Variants in MALRD1 observed in about 807,000 individuals in gnomAD.
MALRD1 encodes the protein MAM and LDL-receptor class A domain-containing protein 1.
In MALRD1, 247 loss-of-function variants were observed where a neutral mutation model predicts 242.1. The observed-to-expected ratio is 1.02, with a 90% CI of 0.92 to 1.13. MALRD1 has a LOEUF of 1.13. Among genes scored for constraint, MALRD1 ranks in the 50% most tolerant of loss-of-function variants. The probability of loss-of-function intolerance (pLI) is 0.00; values close to 1 mark genes in which losing one functional copy is unlikely to be tolerated. For synonymous variants in MALRD1, 995 were observed against 866.6 expected, an observed-to-expected ratio of 1.15 and a Z score of -2.60; for missense variants, 2,989 against 2,533.1, an observed-to-expected ratio of 1.18 and a Z score of -3.86.
chr10:19,623,840 A>T (rs930485485), intron 36 of MALRD1, among the ~76,000 whole-genome samples: 6 of 150,406 alleles, frequency 4.0e-5, no homozygotes, highest in African/African-American at 1.5e-4. Flanking sequence ...TTCTGGAAAC[A>T]TCCTCACAGA....
chr10:19,331,068 G>A (rs961365204), intron 23 of MALRD1, among the ~76,000 whole-genome samples: 1 of 152,054 alleles, frequency 6.6e-6, no homozygotes, highest in Non-Finnish European at 1.5e-5. Flanking sequence ...TCTGAGAGCT[G>A]GCAAAGGCAG....
chr10:19,111,684 A>G (rs1001983164), intron 5 of MALRD1, among the ~76,000 whole-genome samples: 1 of 152,246 alleles, frequency 6.6e-6, no homozygotes, highest in Non-Finnish European at 1.5e-5. Context: ...GGCATTGCAA[A>G]CAATGTCATC....
At chr10:19,290,775 G>T (rs1438984137) in intron 21 of MALRD1, among the ~76,000 whole-genome samples, 1 of 152,112 alleles carries the variant, frequency 6.6e-6, no homozygotes, top group African/African-American at 2.4e-5. Flanking sequence ...ATTGAATCAA[G>T]ATACTTGGAT....
intron 32 of MALRD1, among the ~76,000 whole-genome samples, chr10:19,536,842 A>G (rs574052903): frequency 6.6e-6 from 1 of 152,204 alleles, no homozygotes; most frequent in South Asian, 2.1e-4. Flanking sequence ...TCCATTTGTC[A>G]TACAGCACTG....
chr10:19,287,842 G>A (rs757897259), intron 21 of MALRD1, among the ~76,000 whole-genome samples: 3 of 152,200 alleles, frequency 2.0e-5, no homozygotes, highest in Admixed American at 6.6e-5. Context: ...TAGTTGTTCA[G>A]CTTGTTTTTT....
At chr10:19,475,182 G>A (rs1175378761) in intron 29 of MALRD1, among the ~76,000 whole-genome samples, 7 of 152,126 alleles carry the variant, frequency 4.6e-5, no homozygotes, top group African/African-American at 1.7e-4. Flanking sequence ...TTGGGAGGCC[G>A]AGGCGGGCGG....
intron 36 of MALRD1, among the ~76,000 whole-genome samples, chr10:19,680,537 T>C (rs1345672710): frequency 6.6e-6 from 1 of 152,168 alleles, no homozygotes; most frequent in African/African-American, 2.4e-5. Context: ...TATCTTTCGA[T>C]GTGAGATGGA....
intron 34 of MALRD1, among the ~76,000 whole-genome samples, chr10:19,603,961 C>G (rs1040061941): frequency 9.2e-5 from 14 of 152,272 alleles, no homozygotes; most frequent in South Asian, 8.3e-4. Flanking sequence ...TCTCCCCATT[C>G]CCTGAGGCTG....
intron 21 of MALRD1, among the ~76,000 whole-genome samples, chr10:19,295,954 C>A (rs1024464259): frequency 6.6e-6 from 1 of 152,102 alleles, no homozygotes; most frequent in Admixed American, 6.6e-5. Flanking sequence ...ACTTTGAGGA[C>A]CACTTAGTCA....
intron 31 of MALRD1, among the ~76,000 whole-genome samples, chr10:19,521,045 A>G (rs1473635580): frequency 6.6e-6 from 1 of 152,116 alleles, no homozygotes; most frequent in Non-Finnish European, 1.5e-5. Flanking sequence ...TGTCAAAGGT[A>G]TTATCTGTGA....
chr10:19,052,919 T>A (rs1426793701), intron 1 of MALRD1, among the ~76,000 whole-genome samples: 1 of 152,136 alleles, frequency 6.6e-6, no homozygotes, highest in Non-Finnish European at 1.5e-5. Flanking sequence ...CAAGTTCCTT[T>A]TTGCACTATC....
At chr10:19,704,173 AG>A (rs1452157462) in intron 38 of MALRD1, among the ~76,000 whole-genome samples, 1 of 152,182 alleles carries the variant, frequency 6.6e-6, no homozygotes, top group African/African-American at 2.4e-5. Flanking sequence ...TCATGTGAAA[AG>A]TTGTTTGAAA....
intron 33 of MALRD1, among the ~76,000 whole-genome samples, chr10:19,581,156 A>C (rs1001081343): frequency 6.6e-6 from 1 of 152,058 alleles, no homozygotes; most frequent in African/African-American, 2.4e-5. Context: ...AGTACTTATA[A>C]TTGCAGCTAC....
intron 18 of MALRD1, among the ~76,000 whole-genome samples, chr10:19,230,856 A>G (rs1838022265): frequency 6.6e-6 from 1 of 152,212 alleles, no homozygotes; most frequent in South Asian, 2.1e-4. Flanking sequence ...GTGTTAATAT[A>G]TAGATTTTAT....
At chr10:19,363,704 G>C (rs57240896) in intron 26 of MALRD1, among the ~76,000 whole-genome samples, 13,553 of 152,176 alleles carry the variant, frequency 0.089, 785 homozygotes, top group East Asian at 0.17. Flanking sequence ...TGGGAGACAT[G>C]GGTCTTAAAG....
chr10:19,686,921 G>A (rs7924093), intron 36 of MALRD1, among the ~76,000 whole-genome samples: 125,448 of 151,976 alleles, frequency 0.83, 52,503 homozygotes, highest in Non-Finnish European at 0.89. Flanking sequence ...CAAAAGAAGT[G>A]GTAAAATGTA....
intron 13 of MALRD1, among the ~76,000 whole-genome samples, chr10:19,171,951 ATG>A (rs1834998943): frequency 8.2e-6 from 1 of 121,682 alleles, no homozygotes; most frequent in African/African-American, 2.9e-5. Flanking sequence ...CATATAATAT[ATG>A]TATATATCAC....
chr10:19,607,772 TGCAGC>T lies in MALRD1; in HGVS notation c.5945-4_5945del. 4 of 1,545,026 alleles carry T rather than the reference TGCAGC, an allele frequency of 2.6e-6. No individual in the cohort carries two copies. Among genetic ancestry groups the T allele is most frequent in the Admixed American group, 4.0e-5 (2 of 50,258 alleles). On this transcript the variant is annotated splice_acceptor_variant and splice_polypyrimidine_tract_variant and coding_sequence_variant and intron_variant, in exon 35 of 40. Coordinates refer to ENST00000454679, the MANE Select transcript of MALRD1 (RefSeq NM_001142308.3). LOFTEE classifies it high-confidence loss of function. ...TCCCTGATCATTATTCTTTTTTTTTTGCAGCCAACAAAAGCTGTTCTAATGGAGCT... is the reference window on the plus strand; with the variant it reads ...TCCCTGATCATTATTCTTTTTTTTTTCAACAAAAGCTGTTCTAATGGAGCT...
intron 38 of MALRD1, among the ~76,000 whole-genome samples, chr10:19,695,947 C>G (rs1345190680): frequency 6.6e-6 from 1 of 152,116 alleles, no homozygotes; most frequent in East Asian, 1.9e-4. Flanking sequence ...AAAACTCACT[C>G]CCATGATTCA....
Sources: allele counts gnomAD v4.1 joint callset (sites outside exome capture counted in the v4.1 genomes callset), GRCh38; gene constraint gnomAD v4.1.1; transcripts MANE v1.5; gene names NCBI Gene and HGNC (gene_info 2026-07-23, HGNC 2026-07-21).